RPS24: variants seen among roughly 807,000 people sequenced by gnomAD.
RPS24 encodes ribosomal protein S24, also known as small ribosomal subunit protein eS24.
For missense variants in RPS24, 100 were observed against 162.5 expected (o/e 0.62, Z 2.09); for synonymous variants, 72 against 55.6 (o/e 1.30, Z -1.31).
At chr10:78,035,255 C>A in intron 1 of RPS24, 97 bp from the exon 2 acceptor site, 3 of 1,221,936 alleles carry the variant, frequency 2.5e-6, no homozygotes, top group Non-Finnish European at 3.6e-6. Context: ...TGACTAATGG[C>A]TACAAATTGG....
chr10:78,054,542 G>A, exon 5 of RPS24: 1 of 1,539,518 alleles, frequency 6.5e-7, no homozygotes, highest in Non-Finnish European at 8.8e-7. Flanking sequence ...TGAGGGAATT[G>A]GGGCTTGGAG....
At chr10:78,036,916 A>T (rs1847881209) in intron 3 of RPS24, among the ~76,000 whole-genome samples, 1 of 152,128 alleles carries the variant, frequency 6.6e-6, no homozygotes, top group Non-Finnish European at 1.5e-5. Flanking sequence ...AAAAATAGTG[A>T]TCTGTGAGCT....
At chr10:78,055,223 C>A (rs1848139351) in exon 5 of RPS24, 3 of 612,018 alleles carry the variant, frequency 4.9e-6, no homozygotes, top group Admixed American at 4.1e-5. Context: ...CACTGGCCTC[C>A]CACCACCTTC....
Position 78,033,875 on chromosome 10 carries a change from T to A in RPS24, c.-27T>A. 1 of 1,614,048 alleles carries A rather than the reference T, an allele frequency of 6.2e-7. No homozygotes were observed. The highest frequency in any genetic ancestry group is 8.5e-7 in the Non-Finnish European group (1 of 1,179,966). Reference sequence around the variant, plus strand: ...GCGAATCGTGGTTCTCTTTTCCTCCTTGGCTGTCTGAAGATAGATCGCCAT... The same window carrying A: ...GCGAATCGTGGTTCTCTTTTCCTCCATGGCTGTCTGAAGATAGATCGCCAT... On this transcript the variant is annotated 5_prime_UTR_variant, in exon 1 of 6. The change creates a new upstream start codon in the 5' untranslated region. Coordinates refer to ENST00000372360, the MANE Select transcript of RPS24 (RefSeq NM_033022.4).
At chr10:78,056,111 G>A (rs1270221823) in exon 5 of RPS24, 2 of 152,596 alleles carry the variant, frequency 1.3e-5, no homozygotes, top group Non-Finnish European at 2.9e-5. Context: ...GCCTCTGGTG[G>A]AGAAGACCAG....
At chr10:78,037,686 C>T in intron 4 of RPS24, 1 of 332,138 alleles carries the variant, frequency 3.0e-6, no homozygotes, top group South Asian at 2.5e-5. Context: ...GTTTAAGAAG[C>T]AGTTGGATCA....
At chr10:78,041,271 A>G (rs1048468628), downstream of RPS24, among the ~76,000 whole-genome samples, 1 of 152,124 alleles carries the variant, frequency 6.6e-6, no homozygotes, top group Non-Finnish European at 1.5e-5. Context: ...GCAGGAAGGA[A>G]GGGTAGTGGA....
chr10:78,053,418 C>T (rs72642282), intron 4 of RPS24, among the ~76,000 whole-genome samples: 6,876 of 152,194 alleles, frequency 0.045, 335 homozygotes, highest in East Asian at 0.23. Flanking sequence ...TTCCTGTCCA[C>T]GCAGCTGGGA....
At chr10:78,034,433 C>T (rs1383049570) in intron 1 of RPS24, 3 of 167,662 alleles carry the variant, frequency 1.8e-5, no homozygotes, top group Non-Finnish European at 3.9e-5. Context: ...TAGTCCTGCC[C>T]TAAGTCATGC....
At chr10:78,040,251 C>A in intron 5 of RPS24, 26 bp downstream of exon 5, 1 of 1,598,258 alleles carries the variant, frequency 6.3e-7, no homozygotes, top group Non-Finnish European at 8.6e-7. Context: ...TTCATGTAGT[C>A]ATGTAGATCA....
chr10:78,036,082 G>A (rs1281714500), intron 3 of RPS24: 1 of 339,642 alleles, frequency 2.9e-6, no homozygotes, highest in Non-Finnish European at 5.7e-6. Flanking sequence ...TCAGGAACCA[G>A]GAAAAGTTTT....
intron 4 of RPS24, chr10:78,048,993 C>CGGGGAA (rs1200884254): frequency 2.0e-5 from 3 of 151,996 alleles, no homozygotes; most frequent in African/African-American, 7.3e-5. Flanking sequence ...CTCCTTGGAG[C>CGGGGAA]GGGGAAGGAG....
At chr10:78,044,044 C>T (rs142156349), downstream of RPS24, among the ~76,000 whole-genome samples, 3,100 of 152,248 alleles carry the variant, frequency 0.02, 51 homozygotes, top group Middle Eastern at 0.041. Context: ...GTTCATGCAG[C>T]CTACTACAGT....
exon 5 of RPS24, chr10:78,055,737 C>G (rs1848144034): frequency 6.6e-6 from 1 of 152,228 alleles, no homozygotes; most frequent in Non-Finnish European, 1.5e-5. Flanking sequence ...ACCTAGCCCC[C>G]TTGTCTCCCA....
intron 4 of RPS24, among the ~76,000 whole-genome samples, chr10:78,050,494 G>C (rs572420465): frequency 6.6e-6 from 1 of 152,316 alleles, no homozygotes; most frequent in African/African-American, 2.4e-5. Flanking sequence ...GCTTTAAAAA[G>C]AGAATAAGAG....
Position 78,040,193 on chromosome 10 carries a change from C to T in RPS24, c.391-11C>T, listed in dbSNP as rs749288109. 3 of 1,613,226 alleles carry T rather than the reference C, an allele frequency of 1.9e-6. No homozygotes were observed. Among genetic ancestry groups the T allele is most frequent in the African/African-American group, 1.3e-5 (1 of 74,834 alleles). On this transcript the variant is annotated splice_polypyrimidine_tract_variant and intron_variant, in intron 4 of 5. Transcript: ENST00000372360. ...TCCTTTCTCTTTTTCCCTTCCCCGC[C>T]ACTGATTCAGTGAGCTGGAGATTGG...
chr10:78,053,686 C>T lies in RPS24; in HGVS notation c.391-845C>T, dbSNP rs529892254. On this transcript the variant is annotated intron_variant, in intron 4 of 4. Coordinates refer to the RPS24 transcript ENST00000440692. ...CAGGAGCGGGCCGGGGATGGGGGAACGTCTGCACCACAGCCCCTCTGGCTT... is the reference window on the plus strand; with the variant it reads ...CAGGAGCGGGCCGGGGATGGGGGAATGTCTGCACCACAGCCCCTCTGGCTT... Among the ~76,000 whole-genome samples, 10 of 152,216 alleles carry T rather than the reference C, an allele frequency of 6.6e-5. No homozygotes were observed. The South Asian group carries it at 1.5e-3, about 22-fold the overall frequency.
chr10:78,047,146 A>G (rs370808003), intron 4 of RPS24, among the ~76,000 whole-genome samples: 3 of 144,080 alleles, frequency 2.1e-5, no homozygotes, highest in African/African-American at 7.8e-5. Context: ...TGTACTTTTT[A>G]GTAGAGATGG....
downstream of RPS24, among the ~76,000 whole-genome samples, chr10:78,045,056 T>C (rs1848029092): frequency 1.3e-5 from 2 of 152,124 alleles, no homozygotes; most frequent in Non-Finnish European, 2.9e-5. Context: ...TGGCACGACC[T>C]CAGCTCACTG....
Sources: gnomAD v4.1 joint callset for allele counts (sites outside exome capture counted in the v4.1 genomes callset) on GRCh38, gnomAD v4.1.1 for gene constraint, MANE v1.5 for transcripts, NCBI Gene and HGNC (gene_info 2026-07-23, HGNC 2026-07-21) for gene names.